HS6ST3: variants seen among roughly 807,000 people sequenced by gnomAD.
HS6ST3 encodes the protein heparan-sulfate 6-O-sulfotransferase 3.
HS6ST3 carries 12 observed loss-of-function variants against 36.7 expected under a neutral mutation model. The observed-to-expected ratio is 0.33, with a 90% confidence interval of 0.21 to 0.53. The LOEUF is 0.53. Ranked by LOEUF, HS6ST3 falls within the 20% of genes least tolerant of loss-of-function variation. The pLI, the probability that HS6ST3 is intolerant of heterozygous loss-of-function variation, is 0.95. For missense variants in HS6ST3, 584 were observed against 640.9 expected, an observed-to-expected ratio of 0.91 and a Z score of 0.96; for synonymous variants, 240 against 257.5, an observed-to-expected ratio of 0.93 and a Z score of 0.65.
chr13:96,256,562 C>T (rs1413264728), intron 1 of HS6ST3, among the ~76,000 whole-genome samples: 2 of 152,188 alleles, frequency 1.3e-5, no homozygotes, highest in Admixed American at 1.3e-4. Flanking sequence ...TAGTACATGC[C>T]TGGAGAGCAG....
chr13:96,755,453 T>C (rs7320210), intron 1 of HS6ST3, among the ~76,000 whole-genome samples: 12,972 of 151,956 alleles, frequency 0.085, 1,046 homozygotes, highest in African/African-American at 0.2. Context: ...CAACCTCCGC[T>C]TTCTGTGTTC....
At chr13:96,381,105 A>G (rs537416953) in intron 1 of HS6ST3, among the ~76,000 whole-genome samples, 1 of 152,334 alleles carries the variant, frequency 6.6e-6, no homozygotes, top group East Asian at 1.9e-4. Flanking sequence ...AATAAAAATT[A>G]TGACTGCACA....
chr13:96,693,677 A>G (rs1030652927), intron 1 of HS6ST3, among the ~76,000 whole-genome samples: 3 of 152,192 alleles, frequency 2.0e-5, no homozygotes, highest in Admixed American at 1.3e-4. Flanking sequence ...TCATGGTAAA[A>G]TGATGATTGA....
At chr13:96,190,016 A>G (rs948866342) in intron 1 of HS6ST3, among the ~76,000 whole-genome samples, 2 of 152,172 alleles carry the variant, frequency 1.3e-5, no homozygotes, top group Non-Finnish European at 2.9e-5. Flanking sequence ...AGATGGTAAA[A>G]ATTCATAATA....
intron 1 of HS6ST3, among the ~76,000 whole-genome samples, chr13:96,133,515 T>C (rs1217870274): frequency 1.3e-5 from 2 of 152,164 alleles, no homozygotes; most frequent in African/African-American, 4.8e-5. Context: ...CTCTGCCTCC[T>C]GGGTTCAAAG....
chr13:96,395,668 G>A (rs532167209), intron 1 of HS6ST3, among the ~76,000 whole-genome samples: 1 of 152,198 alleles, frequency 6.6e-6, no homozygotes, highest in African/African-American at 2.4e-5. Flanking sequence ...ATTTTGGGGG[G>A]TCTGTGTGGA....
intron 1 of HS6ST3, among the ~76,000 whole-genome samples, chr13:96,179,810 A>G (rs4773939): frequency 0.92 from 140,276 of 152,070 alleles, 64,820 homozygotes; most frequent in Non-Finnish European, 0.94. Flanking sequence ...TATGTTTTGT[A>G]TTTCCTGCTA....
chr13:96,649,059 A>G (rs983350302), intron 1 of HS6ST3, among the ~76,000 whole-genome samples: 3 of 151,292 alleles, frequency 2.0e-5, no homozygotes, highest in African/African-American at 7.3e-5. Flanking sequence ...GATGATCTGG[A>G]CTCCTGATTT....
At chr13:96,404,259 T>C (rs570915699) in intron 1 of HS6ST3, among the ~76,000 whole-genome samples, 13 of 152,290 alleles carry the variant, frequency 8.5e-5, no homozygotes, top group African/African-American at 3.1e-4. Flanking sequence ...AGGAATAAGA[T>C]GGATTTCTTT....
At chr13:96,218,997 C>T (rs2139361498) in intron 1 of HS6ST3, among the ~76,000 whole-genome samples, 1 of 152,222 alleles carries the variant, frequency 6.6e-6, no homozygotes, top group South Asian at 2.1e-4. Context: ...CCTAAGCCAT[C>T]CCCTGACAGG....
intron 1 of HS6ST3, among the ~76,000 whole-genome samples, chr13:96,344,264 TAATC>T (rs1159901096): frequency 2.0e-5 from 3 of 152,132 alleles, no homozygotes; most frequent in African/African-American, 4.8e-5. Flanking sequence ...AATTATTCAA[TAATC>T]AATACAATCC....
intron 1 of HS6ST3, among the ~76,000 whole-genome samples, chr13:96,369,215 C>T (rs1270489430): frequency 5.3e-5 from 8 of 152,082 alleles, no homozygotes; most frequent in Admixed American, 5.2e-4. Flanking sequence ...GGGTCACGCC[C>T]TCTTGCAGCA....
chr13:96,394,222 C>T (rs1460377559), intron 1 of HS6ST3, among the ~76,000 whole-genome samples: 1 of 152,016 alleles, frequency 6.6e-6, no homozygotes, highest in Non-Finnish European at 1.5e-5. Context: ...AACTTCTCCA[C>T]AGCTATGCCT....
intron 1 of HS6ST3, among the ~76,000 whole-genome samples, chr13:96,651,352 A>AAAATGCCT (rs1160694684): frequency 3.9e-5 from 6 of 152,018 alleles, no homozygotes; most frequent in African/African-American, 1.4e-4. Flanking sequence ...GGAGTTAGTT[A>AAAATGCCT]AAATGCCTTC....
intron 1 of HS6ST3, among the ~76,000 whole-genome samples, chr13:96,591,205 AG>A (rs2056380715): frequency 6.6e-6 from 1 of 151,944 alleles, no homozygotes; most frequent in South Asian, 2.1e-4. Context: ...CATAAATTTT[AG>A]GACTTTTTTT....
At chr13:96,801,588 T>G (rs775700819) in intron 1 of HS6ST3, among the ~76,000 whole-genome samples, 2 of 152,064 alleles carry the variant, frequency 1.3e-5, no homozygotes, top group Non-Finnish European at 2.9e-5. Context: ...CATAATCTCA[T>G]GAACTGTCCT....
chr13:96,717,822 C>T (rs1001647916), intron 1 of HS6ST3, among the ~76,000 whole-genome samples: 4 of 152,124 alleles, frequency 2.6e-5, no homozygotes, highest in African/African-American at 9.7e-5. Flanking sequence ...CACAAGGATC[C>T]CATCAGGTGC....
chr13:96,273,243 C>T (rs1165071261), intron 1 of HS6ST3, among the ~76,000 whole-genome samples: 1 of 151,888 alleles, frequency 6.6e-6, no homozygotes, highest in Non-Finnish European at 1.5e-5. Context: ...ATGGCTAGTT[C>T]TGACCAATGA....
chr13:96,304,714 T>TTTTC (rs1555296789), intron 1 of HS6ST3, among the ~76,000 whole-genome samples: 3 of 123,570 alleles, frequency 2.4e-5, no homozygotes, highest in African/African-American at 9.6e-5. Flanking sequence ...TTTCTTTCTT[T>TTTTC]TTTTTTTTTT....
Sources: gnomAD v4.1 joint callset for allele counts (sites outside exome capture counted in the v4.1 genomes callset) on GRCh38, gnomAD v4.1.1 for gene constraint, MANE v1.5 for transcripts, NCBI Gene and HGNC (gene_info 2026-07-23, HGNC 2026-07-21) for gene names.